STOX2: variants seen among roughly 807,000 people sequenced by gnomAD.
STOX2 encodes storkhead-box protein 2.
Under a neutral mutation model 60.9 loss-of-function variants are expected in STOX2, and 28 were observed. That is an observed-to-expected ratio of 0.46 (90% CI 0.34 to 0.63). STOX2 has a LOEUF of 0.63. Ranked by LOEUF, STOX2 falls within the 30% of genes least tolerant of loss-of-function variation. The probability of loss-of-function intolerance (pLI) is 0.01; values close to 1 mark genes in which losing one functional copy is unlikely to be tolerated. For synonymous variants in STOX2, 472 were observed against 463.9 expected (o/e 1.02, Z -0.22); for missense variants, 1,024 against 1,187.7 (o/e 0.86, Z 2.03).
At chr4:183,887,435 A>C (rs1741110210) in intron 1 of STOX2, among the ~76,000 whole-genome samples, 1 of 151,964 alleles carries the variant, frequency 6.6e-6, no homozygotes, top group South Asian at 2.1e-4. Context: ...TAGAAAGGAA[A>C]CTCTTTATTC....
At chr4:183,841,365 G>A (rs1264451962) in intron 1 of STOX2, among the ~76,000 whole-genome samples, 1 of 151,580 alleles carries the variant, frequency 6.6e-6, no homozygotes, top group African/African-American at 2.4e-5. Flanking sequence ...ACCATACCAG[G>A]CTAATTATTA....
intron 1 of STOX2, among the ~76,000 whole-genome samples, chr4:183,835,269 G>C (rs963650860): frequency 1.3e-5 from 2 of 149,722 alleles, no homozygotes; most frequent in Non-Finnish European, 2.9e-5. Flanking sequence ...CTGTTGCCCA[G>C]GCTGGAGTGC....
chr4:183,889,454 A>T lies in STOX2; in HGVS notation c.364+91399A>T, dbSNP rs368808102. The stretch of plus-strand genomic sequence containing the variant: ...GGAAACAGCCCTGCTCTTAACCTTG[A>T]TCACAGACTTCTGGTCCCCAGAACT... On this transcript the variant is annotated intron_variant, in intron 1 of 2. Coordinates refer to the STOX2 transcript ENST00000513034. 2.5e-3 allele frequency among the ~76,000 whole-genome samples: 380 copies of T among 152,320 alleles called. 1 individual carries two copies. Among genetic ancestry groups the T allele is most frequent in the African/African-American group, 8.6e-3 (359 of 41,562 alleles).
chr4:183,810,960 C>A (rs1739021550), intron 1 of STOX2, among the ~76,000 whole-genome samples: 1 of 152,140 alleles, frequency 6.6e-6, no homozygotes, highest in East Asian at 1.9e-4. Flanking sequence ...TGAAGACAGG[C>A]CAGGGTGATC....
At chr4:183,831,413 A>G (rs1739564975) in intron 1 of STOX2, among the ~76,000 whole-genome samples, 1 of 152,216 alleles carries the variant, frequency 6.6e-6, no homozygotes, top group Non-Finnish European at 1.5e-5. Flanking sequence ...ATGGTTAGGC[A>G]GTACCAGAAA....
chr4:183,921,468 C>A (rs1338385702), intron 1 of STOX2, among the ~76,000 whole-genome samples: 1 of 152,050 alleles, frequency 6.6e-6, no homozygotes, highest in Non-Finnish European at 1.5e-5. Flanking sequence ...CCTGTGACTC[C>A]CTGTAGGAGG....
intron 1 of STOX2, among the ~76,000 whole-genome samples, chr4:183,932,443 T>C (rs1347151849): frequency 1.0e-5 from 1 of 100,178 alleles, no homozygotes; most frequent in Non-Finnish European, 1.9e-5. Context: ...ATACATACAG[T>C]ATATGTATGT....
At chr4:183,801,486 A>G (rs1052527391) in intron 1 of STOX2, among the ~76,000 whole-genome samples, 8 of 152,254 alleles carry the variant, frequency 5.3e-5, no homozygotes, top group Admixed American at 3.3e-4. Context: ...GTATTCTGAC[A>G]TAAGAAATTG....
In STOX2 at chr4:184,009,489, G is replaced by A; in HGVS notation, c.651G>A (p.Lys217=). ...CGCATGCACCCACCCTGCAAAGGAA[G>A]TCTGCCAAGGACTGCAAAGACCCTT... is the stretch of plus-strand genomic sequence containing the variant. The part of the protein sequence containing the change: ...HSTHAPTLQR[K]SAKDCKDPYC... Residue 217 remains lysine, a synonymous_variant, in exon 3 of 4, where the codon AAG becomes AAA. Transcript: ENST00000308497. The surrounding 1 kb of genome is among the most constrained non-coding windows in gnomAD (Gnocchi z 4.0). 6.2e-7 allele frequency: 1 copy of A among 1,614,050 alleles called. No individual in the cohort carries two copies. Among genetic ancestry groups the A allele is most frequent in the Non-Finnish European group, 8.5e-7 (1 of 1,179,898 alleles).
chr4:183,858,341 A>G (rs923706353), intron 1 of STOX2, among the ~76,000 whole-genome samples: 2 of 152,194 alleles, frequency 1.3e-5, no homozygotes, highest in African/African-American at 2.4e-5. Context: ...TGGGAGTCCC[A>G]CTACAGCTCT....
At chr4:183,981,164 A>C (rs2111188277) in intron 1 of STOX2, among the ~76,000 whole-genome samples, 2 of 152,364 alleles carry the variant, frequency 1.3e-5, no homozygotes, top group Middle Eastern at 3.4e-3. Context: ...ATACATCCTC[A>C]AGATGAATGT....
intron 1 of STOX2, among the ~76,000 whole-genome samples, chr4:183,983,588 C>T (rs1473131548): frequency 6.6e-6 from 1 of 152,140 alleles, no homozygotes; most frequent in African/African-American, 2.4e-5. Context: ...TGGGGGAAGC[C>T]GCGTCTGACC....
chr4:183,853,091 A>T (rs368691864), intron 1 of STOX2, among the ~76,000 whole-genome samples: 1 of 152,192 alleles, frequency 6.6e-6, no homozygotes, highest in African/African-American at 2.4e-5. Context: ...GACCTCAGCA[A>T]TGGTTCCCAG....
At chr4:183,964,626 G>A (rs145559874) in intron 1 of STOX2, among the ~76,000 whole-genome samples, 13 of 151,744 alleles carry the variant, frequency 8.6e-5, no homozygotes, top group Non-Finnish European at 1.8e-4. Flanking sequence ...GTGTTGCTCC[G>A]TCGCACCCAG....
At chr4:183,882,371 A>G (rs1178334315) in intron 1 of STOX2, among the ~76,000 whole-genome samples, 1 of 152,224 alleles carries the variant, frequency 6.6e-6, no homozygotes, top group African/African-American at 2.4e-5. Flanking sequence ...ATTATAAAAG[A>G]AAAAACAGGG....
chr4:183,807,207 C>T (rs1738921279), intron 1 of STOX2, among the ~76,000 whole-genome samples: 1 of 152,144 alleles, frequency 6.6e-6, no homozygotes, highest in African/African-American at 2.4e-5. Flanking sequence ...CTCCTGACCT[C>T]GTGATCTGCC....
intron 3 of STOX2, among the ~76,000 whole-genome samples, chr4:184,012,848 A>G (rs1354828066): frequency 6.6e-6 from 1 of 152,020 alleles, no homozygotes; most frequent in African/African-American, 2.4e-5. Flanking sequence ...TTTATCTCAA[A>G]TCAGATATTA....
In STOX2 at chr4:184,010,696, A is replaced by T. The variant is rs765754477; in HGVS notation, c.1858A>T (p.Asn620Tyr). Residue 620 changes from asparagine (N) to tyrosine (Y), a missense_variant, in exon 3 of 4, where the codon AAT becomes TAT. By Grantham distance (143) the Asn-to-Tyr change is moderately radical. Coordinates refer to ENST00000308497, the MANE Select transcript of STOX2 (RefSeq NM_020225.3). The surrounding 1 kb of genome is among the most constrained non-coding windows in gnomAD (Gnocchi z 4.5). ...CACGGCACCATCACCTCTGGGAAAG[A>T]ATAAGGAGGACCATGACACTCTGAC... ...VLTAPSPLGK[N>Y]KEDHDTLTLA... is the part of the protein sequence containing the mutation. 6.2e-7 allele frequency: 1 copy of T among 1,611,922 alleles called. No homozygotes were observed. The highest frequency in any genetic ancestry group is 8.5e-7 in the Non-Finnish European group (1 of 1,179,078).
At chr4:183,877,901 G>A (rs1002615230) in intron 1 of STOX2, among the ~76,000 whole-genome samples, 3 of 152,022 alleles carry the variant, frequency 2.0e-5, no homozygotes, top group Non-Finnish European at 4.4e-5. Flanking sequence ...TGTTGGCCAG[G>A]CTGGTCTTGA....
Sources: allele counts gnomAD v4.1 joint callset (sites outside exome capture counted in the v4.1 genomes callset), GRCh38; gene constraint gnomAD v4.1.1; non-coding constraint Gnocchi (gnomAD v3.1); transcripts MANE v1.5; gene names NCBI Gene and HGNC (gene_info 2026-07-23, HGNC 2026-07-21).